Variants in USH2A observed in about 807,000 individuals in gnomAD.
USH2A encodes the protein Usher syndrome 2A (autosomal recessive, mild).
In USH2A, 443 loss-of-function variants were observed where a neutral mutation model predicts 538.9. The observed-to-expected ratio is 0.82, with a 90% confidence interval of 0.76 to 0.89. USH2A has a LOEUF of 0.89. Ranked by LOEUF, USH2A falls within the 40% of genes least tolerant of loss-of-function variation. The probability of loss-of-function intolerance (pLI) is 0.00; values close to 1 mark genes in which losing one functional copy is unlikely to be tolerated. For missense variants in USH2A, 6,633 were observed against 6,324.8 expected (o/e 1.05, Z -1.65); for synonymous variants, 2,413 against 2,273.5 (o/e 1.06, Z -1.75).
intron 5 of USH2A, among the ~76,000 whole-genome samples, chr1:216,325,919 T>C (rs1004102295): frequency 3.9e-5 from 6 of 152,218 alleles, no homozygotes; most frequent in Admixed American, 3.3e-4. Flanking sequence ...TGTGATAATA[T>C]AGAAATGATC....
chr1:216,231,908 G>A (rs760170544), intron 14 of USH2A, 45 bp downstream of exon 14: 3 of 1,611,256 alleles, frequency 1.9e-6, no homozygotes, highest in South Asian at 1.1e-5. Flanking sequence ...AAAGTTAACT[G>A]TTGCTAAAGA....
intron 71 of USH2A, among the ~76,000 whole-genome samples, chr1:215,627,375 CCCTTCCTTCTTTCCTTCCTTCCTTCCTT>C (rs1558027173): frequency 2.3e-5 from 3 of 131,062 alleles, no homozygotes; most frequent in Admixed American, 1.5e-4. Context: ...CTCCCTCCCT[CCCTTCCTTCTTTCCTTCCTTCCTTCCTT>C]CCTTCCTTCC....
At chr1:216,400,157 A>G (rs1440614636) in intron 3 of USH2A, among the ~76,000 whole-genome samples, 1 of 151,824 alleles carries the variant, frequency 6.6e-6, no homozygotes, top group Non-Finnish European at 1.5e-5. Context: ...TCAACAAGCA[A>G]TTGTGAATTC....
chr1:216,214,102 T>A (rs1161885301), intron 15 of USH2A, among the ~76,000 whole-genome samples: 1 of 152,036 alleles, frequency 6.6e-6, no homozygotes, highest in African/African-American at 2.4e-5. Flanking sequence ...CTAATGTAAA[T>A]GTAAAATAAT....
chr1:216,030,935 A>C (rs565165593), intron 32 of USH2A, among the ~76,000 whole-genome samples: 24 of 151,988 alleles, frequency 1.6e-4, no homozygotes, highest in East Asian at 1.5e-3. Context: ...AACAATAAAA[A>C]AAAACTGACA....
intron 64 of USH2A, among the ~76,000 whole-genome samples, chr1:215,666,303 TTA>T (rs55771361): frequency 0.94 from 142,522 of 152,190 alleles, 67,316 homozygotes; most frequent in Non-Finnish European, 0.99. Flanking sequence ...TTAAAATAAA[TTA>T]TATGAGTAGC....
At chr1:215,697,922 C>T (rs887843178) in intron 61 of USH2A, among the ~76,000 whole-genome samples, 1 of 152,162 alleles carries the variant, frequency 6.6e-6, no homozygotes, top group Non-Finnish European at 1.5e-5. Context: ...TGGTTTGCTG[C>T]ACCCATCAGC....
intron 4 of USH2A, among the ~76,000 whole-genome samples, chr1:216,362,968 T>A (rs570682964): frequency 3.4e-4 from 52 of 150,998 alleles, no homozygotes; most frequent in African/African-American, 1.1e-3. Context: ...AATAATAATA[T>A]TATTATTATT....
At chr1:216,248,553 T>C (rs562007432) in intron 12 of USH2A, among the ~76,000 whole-genome samples, 1 of 152,018 alleles carries the variant, frequency 6.6e-6, no homozygotes, top group South Asian at 2.1e-4. Context: ...TATGTATATA[T>C]ATGGATAAAA....
Position 216,325,364 on chromosome 1 carries a change from T to A in USH2A, c.1084A>T (p.Ile362Phe). ...TSWVSNVFTN[I>F]TQLNQGVTIS... is the part of the protein sequence containing the mutation. Reference sequence around the variant, plus strand: ...GTCACTCCTTGATTAAGCTGTGTAATGTTTGTAAACACATTTGAAACCCAT... The same window carrying A: ...GTCACTCCTTGATTAAGCTGTGTAAAGTTTGTAAACACATTTGAAACCCAT... Residue 362 changes from isoleucine (I) to phenylalanine (F), a missense_variant, in exon 6 of 72, where the codon ATT becomes TTT. Ile to Phe is a conservative substitution (Grantham distance 21). Coordinates refer to ENST00000307340, the MANE Select transcript of USH2A (RefSeq NM_206933.4). 1 of 1,613,930 alleles carries A rather than the reference T, an allele frequency of 6.2e-7. No individual in the cohort carries two copies. The highest frequency in any genetic ancestry group is 1.1e-5 in the South Asian group (1 of 91,078).
chr1:215,988,214 C>G (rs1182083632), intron 35 of USH2A, among the ~76,000 whole-genome samples: 1 of 151,924 alleles, frequency 6.6e-6, no homozygotes, highest in Non-Finnish European at 1.5e-5. Flanking sequence ...CCTTGGTAAC[C>G]GTAATTCTAA....
At chr1:215,971,048 T>G (rs951631531) in intron 35 of USH2A, among the ~76,000 whole-genome samples, 21 of 152,172 alleles carry the variant, frequency 1.4e-4, no homozygotes, top group Admixed American at 2.6e-4. Flanking sequence ...TGTTAACTGT[T>G]GTCATGTGTG....
At chr1:216,371,721 G>T (rs2038719248) in intron 3 of USH2A, among the ~76,000 whole-genome samples, 1 of 152,050 alleles carries the variant, frequency 6.6e-6, no homozygotes, top group Non-Finnish European at 1.5e-5. Flanking sequence ...TAACATTTAT[G>T]TCATTTGCAA....
intron 21 of USH2A, among the ~76,000 whole-genome samples, chr1:216,134,593 C>T (rs1260610146): frequency 3.3e-5 from 5 of 152,066 alleles, no homozygotes; most frequent in African/African-American, 1.2e-4. Flanking sequence ...AACTTAAAGT[C>T]CATCCCTGAA....
At chr1:215,832,069 C>A (rs1663335179) in intron 47 of USH2A, among the ~76,000 whole-genome samples, 1 of 151,796 alleles carries the variant, frequency 6.6e-6, no homozygotes, top group Admixed American at 6.6e-5. Flanking sequence ...ATTTTCTGCA[C>A]CCACAAGATG....
chr1:215,672,058 G>C (rs969180642), intron 63 of USH2A, among the ~76,000 whole-genome samples: 3 of 152,110 alleles, frequency 2.0e-5, no homozygotes, highest in Non-Finnish European at 4.4e-5. Context: ...AATCAATTAT[G>C]TTTTGCCTCA....
chr1:216,058,476 G>A lies in USH2A; in HGVS notation c.6050-9829C>T, dbSNP rs1386517602. 4.7e-5 allele frequency among the ~76,000 whole-genome samples: 7 copies of A among 148,682 alleles called. 2 individuals are homozygous for A. The highest frequency in any genetic ancestry group is 8.9e-5 in the Non-Finnish European group (6 of 67,306). On this transcript the variant is annotated intron_variant, in intron 30 of 71. Transcript: ENST00000307340. ...TTTTTTAAATAAATGAATATTTTCTGTTCTTTATAATTATCAGCATTGCAG... is the reference window on the plus strand; with the variant it reads ...TTTTTTAAATAAATGAATATTTTCTATTCTTTATAATTATCAGCATTGCAG...
intron 43 of USH2A, among the ~76,000 whole-genome samples, chr1:215,874,633 T>C (rs371883991): frequency 2.6e-5 from 4 of 152,200 alleles, no homozygotes; most frequent in South Asian, 4.1e-4. Context: ...ATATTTACTG[T>C]CACAAATATA....
At chr1:216,408,142 T>C (rs2039427063) in intron 3 of USH2A, among the ~76,000 whole-genome samples, 1 of 152,166 alleles carries the variant, frequency 6.6e-6, no homozygotes. Flanking sequence ...CATGTTTAAA[T>C]GTTAATTTAT....
Sources: gnomAD v4.1 joint callset for allele counts (sites outside exome capture counted in the v4.1 genomes callset) on GRCh38, gnomAD v4.1.1 for gene constraint, MANE v1.5 for transcripts, NCBI Gene and HGNC (gene_info 2026-07-23, HGNC 2026-07-21) for gene names.